Variants in GAS2 observed in about 807,000 individuals in gnomAD.
GAS2 encodes the protein growth arrest specific 2.
A neutral mutation model predicts 37.5 loss-of-function variants in GAS2; 20 were observed. That is an observed-to-expected ratio of 0.53 (90% CI 0.37 to 0.77). GAS2 has a LOEUF of 0.77. Among genes scored for constraint, GAS2 ranks in the 30% least tolerant of loss-of-function variants. GAS2 has a pLI of 0.00. For synonymous variants in GAS2, 144 were observed against 132.2 expected (o/e 1.09, Z -0.61); for missense variants, 336 against 373.4 (o/e 0.90, Z 0.82).
At chr11:22,758,367 G>A (rs544560677) in intron 7 of GAS2, among the ~76,000 whole-genome samples, 7 of 152,062 alleles carry the variant, frequency 4.6e-5, no homozygotes, top group South Asian at 2.1e-4. Flanking sequence ...TGCCTAATAC[G>A]GTCATATTTA....
chr11:22,774,927 A>G (rs543770890), intron 7 of GAS2, among the ~76,000 whole-genome samples: 51 of 152,274 alleles, frequency 3.3e-4, no homozygotes, highest in African/African-American at 1.2e-3. Flanking sequence ...AGGAGACAGC[A>G]TACAAAAAGG....
chr11:22,653,424 G>A (rs183578711), intron 1 of GAS2, among the ~76,000 whole-genome samples: 2 of 152,158 alleles, frequency 1.3e-5, no homozygotes, highest in South Asian at 2.1e-4. Flanking sequence ...TCTATGTACA[G>A]TTAACATTAG....
At chr11:22,770,980 A>T (rs1263886253) in intron 7 of GAS2, among the ~76,000 whole-genome samples, 1 of 152,192 alleles carries the variant, frequency 6.6e-6, no homozygotes, top group Non-Finnish European at 1.5e-5. Context: ...GCAGACATTT[A>T]AGGTAATTAC....
chr11:22,640,620 A>T (rs1858898055), intron 1 of GAS2, among the ~76,000 whole-genome samples: 1 of 152,200 alleles, frequency 6.6e-6, no homozygotes, highest in Non-Finnish European at 1.5e-5. Flanking sequence ...AGCCAATGTA[A>T]AAAAATTACA....
At chr11:22,665,131 C>T (rs948782139), upstream of GAS2, among the ~76,000 whole-genome samples, 2 of 152,048 alleles carry the variant, frequency 1.3e-5, no homozygotes, top group Non-Finnish European at 2.9e-5. Context: ...CCTGAATCAA[C>T]AAAAACATTG....
chr11:22,652,722 G>A (rs1373831668), intron 1 of GAS2, among the ~76,000 whole-genome samples: 1 of 152,218 alleles, frequency 6.6e-6, no homozygotes, highest in Non-Finnish European at 1.5e-5. Context: ...GACTAGGAAA[G>A]GGAACTCCCT....
At chr11:22,646,871 T>A (rs1245409697) in intron 1 of GAS2, among the ~76,000 whole-genome samples, 2 of 151,850 alleles carry the variant, frequency 1.3e-5, no homozygotes, top group African/African-American at 4.8e-5. Context: ...TGTGCTTGCT[T>A]GCTTTCTCTT....
Position 22,690,462 on chromosome 11 carries a change from A to G in GAS2, c.267+4673A>G, listed in dbSNP as rs190569612. 2.4e-4 allele frequency among the ~76,000 whole-genome samples: 36 copies of G among 152,180 alleles called. No individual in the cohort carries two copies. The East Asian group carries it at 5.0e-3, about 21-fold the overall frequency. On this transcript the variant is annotated intron_variant, in intron 3 of 7. Coordinates refer to ENST00000454584, the MANE Select transcript of GAS2 (RefSeq NM_001143830.3). ...CCTTTGTGTAGTGGGCCATTTTCTA[A>G]CTCTGCATGGGAGCAATGCAGAGAC...
intron 7 of GAS2, among the ~76,000 whole-genome samples, chr11:22,760,121 T>G (rs1854293255): frequency 8.0e-6 from 1 of 124,328 alleles, no homozygotes; most frequent in East Asian, 2.1e-4. Flanking sequence ...CACACCCAAC[T>G]AATTTTTAAT....
intron 1 of GAS2, among the ~76,000 whole-genome samples, chr11:22,635,947 T>C (rs959321318): frequency 4.4e-4 from 67 of 152,130 alleles, no homozygotes; most frequent in African/African-American, 1.4e-3. Context: ...AGGCAGTCTC[T>C]CACCACTCAC....
chr11:22,639,891 A>G lies in GAS2; in HGVS notation c.-21+14078A>G, dbSNP rs1418272051. Among the ~76,000 whole-genome samples the G allele has an allele frequency of 1.4e-4, 21 of 152,212 alleles. 1 individual carries two copies. The highest frequency in any genetic ancestry group is 1.3e-3 in the Admixed American group (20 of 15,274). On this transcript the variant is annotated intron_variant, in intron 1 of 5. Transcript: ENST00000528582. ...TACCGATCTCCTTTGCCTTTGGGGC[A>G]TATGAATGAGGTCTGGGAAGTGAGT...
intron 1 of GAS2, among the ~76,000 whole-genome samples, chr11:22,632,038 G>T (rs1474969273): frequency 7.0e-6 from 1 of 143,498 alleles, no homozygotes; most frequent in Non-Finnish European, 1.5e-5. Context: ...ATGTCTTCAT[G>T]ATTCAATCTA....
intron 1 of GAS2, among the ~76,000 whole-genome samples, chr11:22,669,086 C>T (rs1035334559): frequency 3.5e-4 from 53 of 152,094 alleles, no homozygotes; most frequent in African/African-American, 1.1e-3. Context: ...TATGTGAGAC[C>T]ATGTCACATA....
At chr11:22,805,697 AG>A (rs1186281861) in intron 7 of GAS2, among the ~76,000 whole-genome samples, 2 of 152,170 alleles carry the variant, frequency 1.3e-5, no homozygotes, top group Non-Finnish European at 2.9e-5. Context: ...AGTGAAAGCA[AG>A]TATGTTAAGA....
chr11:22,702,491 AG>A (rs1193412947), intron 3 of GAS2: 4 of 152,230 alleles, frequency 2.6e-5, no homozygotes, highest in Non-Finnish European at 5.9e-5. Context: ...CCATATGCAA[AG>A]CATGGAAAAC....
At chr11:22,647,829 T>C (rs1428951471) in intron 1 of GAS2, among the ~76,000 whole-genome samples, 1 of 152,238 alleles carries the variant, frequency 6.6e-6, no homozygotes, top group African/African-American at 2.4e-5. Flanking sequence ...ATTAGCCTTT[T>C]GTCAGATGAG....
chr11:22,769,071 T>C (rs919235776), intron 7 of GAS2, among the ~76,000 whole-genome samples: 2 of 152,186 alleles, frequency 1.3e-5, no homozygotes, highest in Non-Finnish European at 2.9e-5. Flanking sequence ...ATAGAAAAAG[T>C]ATGGAAACTC....
chr11:22,638,428 C>T (rs1261260446), intron 1 of GAS2, among the ~76,000 whole-genome samples: 1 of 151,750 alleles, frequency 6.6e-6, no homozygotes, highest in Non-Finnish European at 1.5e-5. Context: ...TCACTGCAGC[C>T]TTTGTCTCCC....
intron 4 of GAS2, among the ~76,000 whole-genome samples, chr11:22,728,876 T>C (rs1852340542): frequency 6.6e-6 from 1 of 151,698 alleles, no homozygotes; most frequent in African/African-American, 2.4e-5. Context: ...TCTCCTTTTT[T>C]TTTTTTTTAA....
Sources: allele counts gnomAD v4.1 joint callset (sites outside exome capture counted in the v4.1 genomes callset), GRCh38; gene constraint gnomAD v4.1.1; transcripts MANE v1.5; gene names NCBI Gene and HGNC (gene_info 2026-07-23, HGNC 2026-07-21).